Variants in FSD2 observed in about 807,000 individuals in gnomAD.
FSD2 encodes the protein fibronectin type III and SPRY domain containing 2, also known as fibronectin type III and SPRY domain-containing protein 2.
Under a neutral mutation model 80.4 loss-of-function variants are expected in FSD2, and 71 were observed. That is an observed-to-expected ratio of 0.88 (90% CI 0.73 to 1.08). FSD2 has a LOEUF of 1.08. Among genes scored for constraint, FSD2 ranks in the 50% least tolerant of loss-of-function variants. The probability of loss-of-function intolerance (pLI) is 0.00; values close to 1 mark genes in which losing one functional copy is unlikely to be tolerated. For synonymous variants in FSD2, 361 were observed against 329.5 expected (o/e 1.10, Z -1.03); for missense variants, 923 against 913.8 (o/e 1.01, Z -0.13).
At chr15:82,765,034 C>T (rs2049381428) in intron 11 of FSD2, 132 bp downstream of exon 11, 1 of 1,141,914 alleles carries the variant, frequency 8.8e-7, no homozygotes, top group Non-Finnish European at 1.2e-6. Context: ...CCATTAGGCT[C>T]CTCCCTCCTC....
chr15:82,798,616 A>G (rs1418585427), intron 1 of FSD2, among the ~76,000 whole-genome samples: 1 of 152,170 alleles, frequency 6.6e-6, no homozygotes, highest in Non-Finnish European at 1.5e-5. Flanking sequence ...TTCCTTATCC[A>G]TCACTTTTAT....
intron 6 of FSD2, among the ~76,000 whole-genome samples, chr15:82,777,860 A>G (rs960097122): frequency 1.3e-4 from 20 of 151,442 alleles, no homozygotes; most frequent in African/African-American, 4.9e-4. Flanking sequence ...TAAAAAAAAA[A>G]AAAAAGGTGA....
rs145514129 is a variant in FSD2, at chr15:82,778,479, A to G, written c.1111+287T>C. The stretch of plus-strand genomic sequence containing the variant: ...CCATGATTCCACTTACATGCAGTAT[A>G]TAAAGCAGTCAAACTCTTAGAAGCA... On this transcript the variant is annotated intron_variant, in intron 6 of 12. Transcript: ENST00000334574. 4.3e-3 allele frequency among the ~76,000 whole-genome samples: 650 copies of G among 152,252 alleles called. 4 individuals carry two copies. Among genetic ancestry groups the G allele is most frequent in the African/African-American group, 0.015 (611 of 41,552 alleles).
chr15:82,787,511 C>T (rs1838993745), intron 1 of FSD2, 43 bp from the exon 2 acceptor site: 1 of 923,532 alleles, frequency 1.1e-6, no homozygotes, highest in South Asian at 1.9e-5. Context: ...TGGAGAAGGG[C>T]ATTGCAGTAG....
In FSD2 at chr15:82,762,208, G is replaced by T. The variant is rs777569122; in HGVS notation, c.1891C>A (p.His631Asn). 3 of 1,613,902 alleles carry T rather than the reference G, an allele frequency of 1.9e-6. No individual in the cohort carries two copies. The highest frequency in any genetic ancestry group is 2.5e-6 in the Non-Finnish European group (3 of 1,179,848). Reference sequence around the variant, plus strand: ...GCCACACCAACTCTGTAGTCCAAATGCTCATCCACCTCCACCTCCCAGTAA... The same window carrying T: ...GCCACACCAACTCTGTAGTCCAAATTCTCATCCACCTCCACCTCCCAGTAA... ...HHYWEVEVDEHLDYRVGVAFA... is the reference protein window; with the variant it reads ...HHYWEVEVDENLDYRVGVAFA... The change falls in exon 12 of 13, where the codon CAT becomes AAT. Residue 631 changes from histidine to asparagine, a missense_variant. By Grantham distance (68) the His-to-Asn change is moderately conservative (BLOSUM62 1). Transcript: ENST00000334574.
intron 10 of FSD2, among the ~76,000 whole-genome samples, 178 bp downstream of exon 10, chr15:82,765,718 TGA>T (rs1364360386): frequency 6.6e-6 from 1 of 152,228 alleles, no homozygotes; most frequent in Admixed American, 6.5e-5. Flanking sequence ...GACTTCTTAA[TGA>T]TCCATTTGAC....
rs755084381 is a variant in FSD2, at chr15:82,765,282, T to C, written c.1704A>G (p.Leu568=). 3 of 1,613,218 alleles carry C rather than the reference T, an allele frequency of 1.9e-6. No individual in the cohort carries two copies. Among genetic ancestry groups the C allele is most frequent in the South Asian group, 2.2e-5 (2 of 90,924 alleles). The change falls in exon 11 of 13, where the codon CTA becomes CTG. Residue 568 remains leucine, a synonymous_variant. Coordinates refer to ENST00000334574, the MANE Select transcript of FSD2 (RefSeq NM_001007122.4). ...TVHTIGSYFR[L]NKDTCHPWLT... ...GCCAGGGATGGCAAGTGTCCTTGTTTAGGCGAAAGTAGCTTCCTGTGGGAG... is the reference window on the plus strand; with the variant it reads ...GCCAGGGATGGCAAGTGTCCTTGTTCAGGCGAAAGTAGCTTCCTGTGGGAG...
chr15:82,788,401 G>A (rs2050060400), intron 1 of FSD2, among the ~76,000 whole-genome samples: 2 of 150,636 alleles, frequency 1.3e-5, no homozygotes, highest in African/African-American at 4.9e-5. Context: ...CTACTTGGGA[G>A]GCTGAGGTGG....
At chr15:82,772,377 A>G in intron 6 of FSD2, 149 bp from the exon 7 acceptor site, 2 of 763,570 alleles carry the variant, frequency 2.6e-6, no homozygotes, top group Non-Finnish European at 4.2e-6. Flanking sequence ...ATGGGGACAT[A>G]CAGCCTCTCA....
At chr15:82,802,754 T>C (rs1485566465) in intron 1 of FSD2, among the ~76,000 whole-genome samples, 3 of 152,110 alleles carry the variant, frequency 2.0e-5, no homozygotes, top group Non-Finnish European at 4.4e-5. Context: ...GGTCTCCTGG[T>C]TGCTGCCTCT....
At chr15:82,797,651 A>C (rs2050308802) in intron 1 of FSD2, among the ~76,000 whole-genome samples, 1 of 152,100 alleles carries the variant, frequency 6.6e-6, no homozygotes, top group African/African-American at 2.4e-5. Flanking sequence ...TCTACTAAAA[A>C]TACAAAAAAT....
At chr15:82,793,409 A>T (rs2050194633) in intron 1 of FSD2, among the ~76,000 whole-genome samples, 1 of 152,140 alleles carries the variant, frequency 6.6e-6, no homozygotes, top group Non-Finnish European at 1.5e-5. Context: ...ATGTATTAGT[A>T]ACTTATACAT....
At chr15:82,785,603 C>T (rs1441061623) in intron 3 of FSD2, among the ~76,000 whole-genome samples, 1 of 152,136 alleles carries the variant, frequency 6.6e-6, no homozygotes, top group Non-Finnish European at 1.5e-5. Flanking sequence ...GGATTACAGG[C>T]GTTAGCCACC....
Position 82,786,911 on chromosome 15 carries a change from C to T in FSD2, c.480G>A (p.Glu160=). 1.2e-6 allele frequency: 2 copies of T among 1,613,978 alleles called. No individual in the cohort carries two copies. The highest frequency in any genetic ancestry group is 1.7e-6 in the Non-Finnish European group (2 of 1,179,894). ...CCTCGGGGATGACATAGCATTCATACTCCTCGCTGGCACGGCCGTGTGTGT... is the reference window on the plus strand; with the variant it reads ...CCTCGGGGATGACATAGCATTCATATTCCTCGCTGGCACGGCCGTGTGTGT... The part of the protein sequence containing the change: ...YRYTHGRASE[E]YECYVIPEEE... Residue 160 remains glutamate, a synonymous_variant, in exon 2 of 13, where the codon GAG becomes GAA. Coordinates refer to ENST00000334574, the MANE Select transcript of FSD2 (RefSeq NM_001007122.4).
rs775760030 is a variant in FSD2 at position 82,787,213 on chromosome 15, C to G, written c.178G>C (p.Asp60His). ...TGAAGGTCTCTTTGAGCCTTACCATCCCCTGCTCCTCTTGACTCATTGGCC... is the reference window on the plus strand; with the variant it reads ...TGAAGGTCTCTTTGAGCCTTACCATGCCCTGCTCCTCTTGACTCATTGGCC... The part of the protein sequence containing the change: ...EMANESRGAG[D>H]GKAQRDLQEE... Residue 60 changes from aspartate to histidine, a missense_variant, in exon 2 of 13, where the codon GAT becomes CAT. Transcript: ENST00000334574. 1.2e-6 allele frequency: 2 copies of G among 1,613,970 alleles called. No homozygotes were observed. The highest frequency in any genetic ancestry group is 2.2e-5 in the South Asian group (2 of 91,070).
At chr15:82,771,410 C>G (rs1596236652) in intron 7 of FSD2, among the ~76,000 whole-genome samples, 2 of 152,362 alleles carry the variant, frequency 1.3e-5, no homozygotes, top group East Asian at 3.9e-4. Context: ...AGCTGGGGCT[C>G]TTCTGTTGTC....
Position 82,759,162 on chromosome 15 carries a change from G to C in FSD2, c.*186C>G. The C allele has an allele frequency of 4.8e-6, 3 of 619,278 alleles. No individual in the cohort carries two copies. Among genetic ancestry groups the C allele is most frequent in the Non-Finnish European group, 8.3e-6 (3 of 363,636 alleles). 38.4% of individuals were successfully genotyped at this position (619,278 alleles called of 1,614,324 possible). A position where few individuals can be genotyped will look rare whatever the true frequency, so the allele number is the denominator to read the frequency against. On this transcript the variant is annotated 3_prime_UTR_variant, in exon 13 of 13. Transcript: ENST00000334574. ...GTAATGACTATCCTAGCAGCACACA[G>C]GTAGCAGCACACAGGACTAGAATCC...
At chr15:82,803,051 G>A (rs930959356) in intron 1 of FSD2, among the ~76,000 whole-genome samples, 15 of 152,096 alleles carry the variant, frequency 9.9e-5, no homozygotes, top group African/African-American at 3.6e-4. Context: ...TGGTGTCAAG[G>A]AGGCTCCAGA....
chr15:82,759,481 T>C lies in FSD2; in HGVS notation c.2117A>G (p.Asp706Gly). 1 of 1,613,320 alleles carries C rather than the reference T, an allele frequency of 6.2e-7. No individual in the cohort carries two copies. ...EHSKLSFFNV[D>G]LSQHLYTFSC... ...AAATGTATATAGATGCTGAGAAAGG[T>C]CCACATTGAAAAATGACAACTTTGA... is the stretch of plus-strand genomic sequence containing the variant. The change falls in exon 13 of 13, where the codon GAC (aspartate) becomes GGC (glycine). Residue 706 changes from aspartate to glycine, a missense_variant. Asp to Gly is a moderately conservative substitution (Grantham distance 94, BLOSUM62 -1). Coordinates refer to ENST00000334574, the MANE Select transcript of FSD2 (RefSeq NM_001007122.4).
Sources: gnomAD v4.1 joint callset for allele counts (sites outside exome capture counted in the v4.1 genomes callset) on GRCh38, gnomAD v4.1.1 for gene constraint, MANE v1.5 for transcripts, NCBI Gene and HGNC (gene_info 2026-07-23, HGNC 2026-07-21) for gene names.